The following LOXHD1 variants were observed in gnomAD, a reference collection of about 807,000 sequenced individuals.
LOXHD1 encodes lipoxygenase homology PLAT domains 1, also known as lipoxygenase homology domain-containing protein 1.
LOXHD1 carries 205 observed loss-of-function variants against 248.2 expected under a neutral mutation model. The ratio of observed to expected loss-of-function variants is 0.83; its 90% CI spans 0.74 to 0.93. LOXHD1 has a LOEUF of 0.93. Ranked by LOEUF, LOXHD1 falls within the 40% of genes least tolerant of loss-of-function variation. The probability of loss-of-function intolerance (pLI) is 0.00; values close to 1 mark genes in which losing one functional copy is unlikely to be tolerated. For missense variants in LOXHD1, 2,930 were observed against 2,971.6 expected (o/e 0.99, Z 0.33); for synonymous variants, 1,113 against 1,162.8 (o/e 0.96, Z 0.87).
chr18:46,520,350 G>A (rs919706294), intron 33 of LOXHD1: 4 of 470,536 alleles, frequency 8.5e-6, no homozygotes, highest in Middle Eastern at 3.2e-4. Flanking sequence ...TTTTGATTCA[G>A]TACCAGAGAT....
At chr18:46,585,853 C>T (rs2038049664) in intron 12 of LOXHD1, among the ~76,000 whole-genome samples, 1 of 152,176 alleles carries the variant, frequency 6.6e-6, no homozygotes, top group South Asian at 2.1e-4. Context: ...GATAGTTTGG[C>T]AGTTTCTCAA....
At chr18:46,545,627 C>CTTTTTTTTTTTTTTTTTTTTTTTTTTTTT (rs56323729) in intron 22 of LOXHD1, among the ~76,000 whole-genome samples, 4 of 92,242 alleles carry the variant, frequency 4.3e-5, no homozygotes, top group Non-Finnish European at 4.1e-5. Context: ...TTGGCCATTT[C>CTTTTTTTTTTTTTTTTTTTTTTTTTTTTT]TTTTTTTTTT....
chr18:46,477,921 G>A lies in LOXHD1; in HGVS notation c.6373C>T (p.Leu2125Phe). Residue 2125 changes from leucine to phenylalanine, a missense_variant, in exon 41 of 41, where the codon CTC becomes TTC. Transcript: ENST00000642948. ...TTGAAGTACTTCCTCTTCCTCTTGA[G>A]GGGGATGAGGCAGTCACAGTTAAAG... ...YFFNCDCLIP[L>F]KRKRKYFKVF... The A allele has an allele frequency of 6.4e-7, 1 of 1,550,666 alleles. No individual in the cohort carries two copies. The highest frequency in any genetic ancestry group is 2.4e-5 in the East Asian group (1 of 40,878).
rs1369951772 is a variant in LOXHD1, at chr18:46,572,249, A to T, written c.1971-87T>A. 3 of 1,170,570 alleles carry T rather than the reference A, an allele frequency of 2.6e-6. No individual in the cohort carries two copies. The African/African-American group carries it at 4.6e-5, about 18-fold the overall frequency. The allele number at this position is 1,170,570 out of a possible 1,614,324, so 72.5% of individuals were successfully genotyped here. A position where few individuals can be genotyped will look rare whatever the true frequency, so the allele number is the denominator to read the frequency against. ...ACCCATTCATGCAGAGTCACTATGG[A>T]GGCCCAGAGCTTTGACTTTAGCAAA... On this transcript the variant is annotated intron_variant, in intron 14 of 40. Transcript: ENST00000642948.
At chr18:46,602,318 G>A (rs945530238) in intron 7 of LOXHD1, among the ~76,000 whole-genome samples, 2 of 152,108 alleles carry the variant, frequency 1.3e-5, no homozygotes, top group Non-Finnish European at 2.9e-5. Context: ...CGATTCTCGT[G>A]TCTCAGCCTC....
chr18:46,491,582 G>A (rs2033479791), intron 37 of LOXHD1, among the ~76,000 whole-genome samples: 1 of 152,226 alleles, frequency 6.6e-6, no homozygotes, highest in South Asian at 2.1e-4. Flanking sequence ...ATGCGTGAGT[G>A]TGAGCATGAG....
At chr18:46,616,649 A>G (rs910763168) in intron 5 of LOXHD1, among the ~76,000 whole-genome samples, 1 of 152,160 alleles carries the variant, frequency 6.6e-6, no homozygotes, top group Non-Finnish European at 1.5e-5. Context: ...GTTTAAGCAT[A>G]TGAATGGTAA....
chr18:46,511,016 C>T (rs546116278), intron 34 of LOXHD1, among the ~76,000 whole-genome samples: 3 of 152,308 alleles, frequency 2.0e-5, no homozygotes, highest in Middle Eastern at 3.4e-3. Context: ...TAGAATTCTT[C>T]GCTTTGCATG....
At chr18:46,604,062 G>A in intron 7 of LOXHD1, 44 bp downstream of exon 7, 1 of 1,550,316 alleles carries the variant, frequency 6.5e-7, no homozygotes, top group Non-Finnish European at 8.7e-7. Flanking sequence ...CCCTTAGGCA[G>A]AAAGTGAAAT....
chr18:46,563,733 T>C (rs1228868562), intron 17 of LOXHD1, among the ~76,000 whole-genome samples: 3 of 152,112 alleles, frequency 2.0e-5, no homozygotes, highest in Non-Finnish European at 4.4e-5. Context: ...AAGAGGTGAC[T>C]AGTTTAAATG....
intron 8 of LOXHD1, 23 bp downstream of exon 8, chr18:46,601,194 C>G (rs2038331026): frequency 6.5e-7 from 1 of 1,543,654 alleles, no homozygotes; most frequent in Non-Finnish European, 8.8e-7. Context: ...TCAGGGAAGG[C>G]TGTCTCTGGG....
chr18:46,510,136 A>G (rs536392941), intron 34 of LOXHD1, among the ~76,000 whole-genome samples: 2 of 152,222 alleles, frequency 1.3e-5, no homozygotes, highest in Non-Finnish European at 2.9e-5. Context: ...TGGTCTGGAG[A>G]ATAACACTAG....
chr18:46,488,064 C>T (rs1397615267), intron 38 of LOXHD1, among the ~76,000 whole-genome samples: 1 of 152,180 alleles, frequency 6.6e-6, no homozygotes, highest in African/African-American at 2.4e-5. Context: ...GTGACTGTTC[C>T]ATCCCTGGGG....
rs115487385 is a variant in LOXHD1 at position 46,647,342 on chromosome 18, C to T, written c.245+1813G>A. ...CATGTTATAAAGGGTGGCTCAGGGG[C>T]CCTTCCTGAGAAGACCTTTTGACAA... On this transcript the variant is annotated intron_variant, in intron 2 of 40. Coordinates refer to ENST00000642948, the MANE Select transcript of LOXHD1 (RefSeq NM_001384474.1). Among the ~76,000 whole-genome samples the T allele has an allele frequency of 6.1e-3, 931 of 152,248 alleles. 12 individuals carry two copies. Among genetic ancestry groups the T allele is most frequent in the African/African-American group, 0.021 (887 of 41,538 alleles).
In LOXHD1 at chr18:46,568,422, T is replaced by C. The variant is rs1327555445; in HGVS notation, c.2244+1020A>G. On this transcript the variant is annotated intron_variant, in intron 16 of 40. Coordinates refer to ENST00000642948, the MANE Select transcript of LOXHD1 (RefSeq NM_001384474.1). ...CTTTCTCAGCCTCAATCTTGGCCTATAAAGACTTGAACAAAACACTAACAC... is the reference window on the plus strand; with the variant it reads ...CTTTCTCAGCCTCAATCTTGGCCTACAAAGACTTGAACAAAACACTAACAC... Among the ~76,000 whole-genome samples, 3 of 152,210 alleles carry C rather than the reference T, an allele frequency of 2.0e-5. No individual in the cohort carries two copies. In the East Asian group the frequency reaches 5.8e-4, roughly 29 times the overall value.
At chr18:46,605,560 A>C (rs1256205071) in intron 6 of LOXHD1, among the ~76,000 whole-genome samples, 5 of 152,190 alleles carry the variant, frequency 3.3e-5, no homozygotes, top group Non-Finnish European at 7.3e-5. Flanking sequence ...ATTTTTAGGA[A>C]TGCATCTCTT....
Position 46,477,832 on chromosome 18 carries a change from G to C in LOXHD1, c.6462C>G (p.Val2154=), listed in dbSNP as rs141737883. The C allele has an allele frequency of 7.8e-5, 121 of 1,551,832 alleles. No homozygotes were observed. The Middle Eastern group carries it at 8.3e-4, about 11-fold the overall frequency. Residue 2154 remains valine, a synonymous_variant, in exon 41 of 41, where the codon GTC becomes GTG. Transcript: ENST00000642948. ...FASKVQSLVP[V]KYEVIVTTGY... ...CTGTTGTCACGATGACTTCGTACTT[G>C]ACGGGCACCAGGCTCTGGACCTTGC...
chr18:46,609,900 G>A (rs148205237), intron 6 of LOXHD1, among the ~76,000 whole-genome samples: 12 of 152,302 alleles, frequency 7.9e-5, no homozygotes, highest in African/African-American at 2.4e-4. Flanking sequence ...CCAGGGACAC[G>A]AGCTTTCTTT....
intron 17 of LOXHD1, among the ~76,000 whole-genome samples, chr18:46,565,806 A>G (rs1313274773): frequency 6.6e-6 from 1 of 152,072 alleles, no homozygotes; most frequent in East Asian, 1.9e-4. Context: ...TACAGATGTA[A>G]TTTTTTTCCA....
Sources: gnomAD v4.1 joint callset for allele counts (sites outside exome capture counted in the v4.1 genomes callset) on GRCh38, gnomAD v4.1.1 for gene constraint, MANE v1.5 for transcripts, NCBI Gene and HGNC (gene_info 2026-07-23, HGNC 2026-07-21) for gene names.